The following PHLPP1 variants were observed in gnomAD, a reference collection of about 807,000 sequenced individuals.
PHLPP1 encodes the protein PH domain leucine-rich repeat-containing protein phosphatase 1.
A neutral mutation model predicts 117.2 loss-of-function variants in PHLPP1; 42 were observed. The ratio of observed to expected loss-of-function variants is 0.36; its 90% CI spans 0.28 to 0.46. PHLPP1 has a LOEUF of 0.46. Ranked by LOEUF, PHLPP1 falls within the 20% of genes least tolerant of loss-of-function variation. The pLI is 1.00. For missense variants in PHLPP1, 2,084 were observed against 2,241.9 expected (o/e 0.93, Z 1.42); for synonymous variants, 1,042 against 970.7 (o/e 1.07, Z -1.37).
intron 10 of PHLPP1, among the ~76,000 whole-genome samples, chr18:62,924,223 T>C (rs1005416184): frequency 1.3e-5 from 2 of 152,208 alleles, no homozygotes; most frequent in South Asian, 4.1e-4. Context: ...TTTGCTTCAG[T>C]TGCCCTTCCA....
At chr18:62,960,790 C>G (rs1910746174) in intron 13 of PHLPP1, among the ~76,000 whole-genome samples, 1 of 152,134 alleles carries the variant, frequency 6.6e-6, no homozygotes, top group East Asian at 1.9e-4. Flanking sequence ...TTACTCAGAC[C>G]AAAGTTTCCT....
At chr18:62,945,027 A>G (rs1221373052) in intron 11 of PHLPP1, 82 bp from the exon 12 acceptor site, 2 of 1,064,766 alleles carry the variant, frequency 1.9e-6, no homozygotes, top group Non-Finnish European at 2.6e-6. Context: ...ATGAATCCTT[A>G]AAGTCATAGC....
chr18:62,894,946 G>A, intron 4 of PHLPP1, 65 bp from the exon 5 acceptor site: 1 of 1,361,398 alleles, frequency 7.3e-7, no homozygotes. Context: ...CTTAGGCTAT[G>A]CTAAAATTAT....
In PHLPP1 at chr18:62,961,648, A is replaced by G. The variant is rs529473435; in HGVS notation, c.3456-1720A>G. Among the ~76,000 whole-genome samples the G allele has an allele frequency of 2.0e-5, 3 of 152,326 alleles. No individual in the cohort carries two copies. The South Asian group carries it at 6.2e-4, about 32-fold the overall frequency. ...TTTTAGATGGATAAAATGGAGTACC[A>G]GGTCATATGGAGAGCAAATAATGGA... On this transcript the variant is annotated intron_variant, in intron 13 of 16. Coordinates refer to ENST00000262719, the MANE Select transcript of PHLPP1 (RefSeq NM_194449.4).
At chr18:62,849,832 A>ATATATATATATATAT (rs747097979) in intron 3 of PHLPP1, among the ~76,000 whole-genome samples, 6 of 33,094 alleles carry the variant, frequency 1.8e-4, no homozygotes, top group African/African-American at 7.4e-4. Flanking sequence ...AAAAAAAAAA[A>ATATATATATATATAT]ATATATATAT....
chr18:62,826,128 A>T (rs961964425), intron 1 of PHLPP1: 9 of 250,226 alleles, frequency 3.6e-5, no homozygotes, highest in Non-Finnish European at 6.5e-5. Flanking sequence ...TTATCTGACA[A>T]ATCTGATGTC....
intron 4 of PHLPP1, among the ~76,000 whole-genome samples, chr18:62,866,301 A>G (rs977049992): frequency 6.6e-6 from 1 of 151,624 alleles, no homozygotes; most frequent in Admixed American, 6.6e-5. Context: ...CGGGAGTGCA[A>G]TGGTGCGATC....
chr18:62,838,650 T>G, intron 2 of PHLPP1, 134 bp from the exon 3 acceptor site: 1 of 761,420 alleles, frequency 1.3e-6, no homozygotes, highest in Non-Finnish European at 2.0e-6. Context: ...GGAACTTAGT[T>G]CTCATTAATG....
intron 4 of PHLPP1, among the ~76,000 whole-genome samples, chr18:62,879,057 A>G (rs763430079): frequency 6.6e-6 from 1 of 152,196 alleles, no homozygotes; most frequent in African/African-American, 2.4e-5. Context: ...GATTCATGAA[A>G]TGCCTACATC....
intron 1 of PHLPP1, among the ~76,000 whole-genome samples, chr18:62,767,715 G>T (rs556744771): frequency 6.6e-6 from 1 of 152,310 alleles, no homozygotes; most frequent in East Asian, 1.9e-4. Context: ...GTGGGTAACA[G>T]CTGTTTGAAT....
At chr18:62,945,294 C>A in intron 12 of PHLPP1, 23 bp downstream of exon 12, 1 of 1,568,876 alleles carries the variant, frequency 6.4e-7, no homozygotes, top group Non-Finnish European at 8.6e-7. Flanking sequence ...ATTTCATAAA[C>A]TCTAAGCTTC....
Position 62,739,870 on chromosome 18 carries a change from C to A in PHLPP1, c.1576+22611C>A, listed in dbSNP as rs1048897963. ...ACATCTCAATATTTATTGTAATATG[C>A]TTTTTCTCGAGCTCATCAACCAAGT... On this transcript the variant is annotated intron_variant, in intron 1 of 16. Transcript: ENST00000262719. Among the ~76,000 whole-genome samples the A allele has an allele frequency of 2.0e-5, 3 of 152,086 alleles. No individual in the cohort carries two copies. The East Asian group carries it at 5.8e-4, about 29-fold the overall frequency.
rs34800076 is a variant in PHLPP1, at chr18:62,858,262, CTTT to C, written c.1900-2157_1900-2155del. ...AGCTCAAATATTCCATCAGCAGAAC[CTTT>C]TTTTTTTTTTTTTTTGAGACACAGC... On this transcript the variant is annotated intron_variant, in intron 3 of 16. Coordinates refer to ENST00000262719, the MANE Select transcript of PHLPP1 (RefSeq NM_194449.4). Among the ~76,000 whole-genome samples the C allele has an allele frequency of 3.5e-4, 45 of 128,288 alleles. No homozygotes were observed. The East Asian group carries it at 5.7e-3, about 16-fold the overall frequency. 84.2% of individuals were successfully genotyped at this position (128,288 alleles called of 152,430 possible).
intron 8 of PHLPP1, 48 bp downstream of exon 8, chr18:62,905,332 T>C: frequency 2.0e-6 from 2 of 985,864 alleles, no homozygotes; most frequent in South Asian, 2.8e-5. Context: ...AGAAAATTAT[T>C]TAGTAATTCT....
At chr18:62,864,744 C>CA (rs1212669197) in intron 4 of PHLPP1, among the ~76,000 whole-genome samples, 1 of 152,190 alleles carries the variant, frequency 6.6e-6, no homozygotes, top group Non-Finnish European at 1.5e-5. Flanking sequence ...AGTACCTGCC[C>CA]AGAATTAGAA....
At chr18:62,912,302 TA>T (rs36028962) in intron 8 of PHLPP1, among the ~76,000 whole-genome samples, 57,238 of 131,252 alleles carry the variant, frequency 0.44, 12,575 homozygotes, top group Middle Eastern at 0.58. Flanking sequence ...TAGAGTATAA[TA>T]AAAAAAAAAA....
intron 1 of PHLPP1, among the ~76,000 whole-genome samples, chr18:62,811,468 C>T (rs1220713226): frequency 6.6e-6 from 1 of 151,050 alleles, no homozygotes; most frequent in Non-Finnish European, 1.5e-5. Context: ...AAAAGGTATG[C>T]AAATTTTTAA....
At chr18:62,729,934 C>T (rs1911182631) in intron 1 of PHLPP1, among the ~76,000 whole-genome samples, 1 of 152,120 alleles carries the variant, frequency 6.6e-6, no homozygotes, top group African/African-American at 2.4e-5. Context: ...ATATTAAGTG[C>T]TTTATAACTA....
At chr18:62,945,497 G>T (rs1404633583) in intron 12 of PHLPP1, among the ~76,000 whole-genome samples, 1 of 152,166 alleles carries the variant, frequency 6.6e-6, no homozygotes, top group East Asian at 1.9e-4. Flanking sequence ...TGGATTTCTA[G>T]GCTGAGTCCC....
Sources: gnomAD v4.1 joint callset for allele counts (sites outside exome capture counted in the v4.1 genomes callset) on GRCh38, gnomAD v4.1.1 for gene constraint, MANE v1.5 for transcripts, NCBI Gene and HGNC (gene_info 2026-07-23, HGNC 2026-07-21) for gene names.